Variants in ATF3 observed in about 807,000 individuals in gnomAD.
The protein encoded by ATF3 is cyclic AMP-dependent transcription factor ATF-3.
A neutral mutation model predicts 18.4 loss-of-function variants in ATF3; 10 were observed. That is an observed-to-expected ratio of 0.54 (90% CI 0.34 to 0.92). The LOEUF is 0.92. Among genes scored for constraint, ATF3 ranks in the 40% least tolerant of loss-of-function variants. The pLI is 0.02. For missense variants in ATF3, 183 were observed against 222.3 expected (o/e 0.82, Z 1.12); for synonymous variants, 78 against 87.9 (o/e 0.89, Z 0.63).
rs1374095053 is a variant in ATF3, at chr1:212,571,964, G to C, written c.-5+6481G>C. 2.0e-5 allele frequency among the ~76,000 whole-genome samples: 3 copies of C among 151,620 alleles called. No homozygotes were observed. In the South Asian group the frequency reaches 6.3e-4, roughly 32 times the overall value. The stretch of plus-strand genomic sequence containing the variant: ...CCTGACCTCGTGATCCGCCCGGCTC[G>C]GCCTCCCAAAGTGCTGGGATTACAG... On this transcript the variant is annotated intron_variant, in intron 1 of 3. Coordinates refer to the ATF3 transcript ENST00000366981.
At chr1:212,593,863 A>G (rs1664940364) in intron 1 of ATF3, among the ~76,000 whole-genome samples, 1 of 147,242 alleles carries the variant, frequency 6.8e-6, no homozygotes, top group South Asian at 2.1e-4. Flanking sequence ...GGCTGTCTTT[A>G]TTTTTCTGTA....
intron 1 of ATF3, among the ~76,000 whole-genome samples, chr1:212,609,172 T>A (rs1375181000): frequency 6.6e-6 from 1 of 152,160 alleles, no homozygotes; most frequent in African/African-American, 2.4e-5. Context: ...GCGCGAAAGG[T>A]TCCTGGTGAC....
intron 1 of ATF3, among the ~76,000 whole-genome samples, chr1:212,610,136 T>A (rs1654835943): frequency 6.6e-6 from 1 of 152,220 alleles, no homozygotes; most frequent in African/African-American, 2.4e-5. Flanking sequence ...TCTCCTTCTC[T>A]GCTCCCCCCA....
intron 1 of ATF3, among the ~76,000 whole-genome samples, chr1:212,580,762 TTTTG>T (rs1258371474): frequency 6.6e-6 from 1 of 152,154 alleles, no homozygotes; most frequent in African/African-American, 2.4e-5. Flanking sequence ...TAGTAATATA[TTTTG>T]TTTGTTTATT....
chr1:212,618,722 A>T lies in ATF3; in HGVS notation c.348+488A>T. The T allele has an allele frequency of 2.1e-6, 1 of 477,032 alleles. No individual in the cohort carries two copies. Among genetic ancestry groups the T allele is most frequent in the Non-Finnish European group, 3.8e-6 (1 of 260,858 alleles). The allele number at this position is 477,032 out of a possible 1,614,324, so 29.5% of individuals were successfully genotyped here. A position where few individuals can be genotyped will look rare whatever the true frequency, so the allele number is the denominator to read the frequency against. ...TAGAGCCCTTCTCCCTGGCTTAGCC[A>T]GTAAGCTGAGCCCCTGGCTGCGTTC... On this transcript the variant is annotated intron_variant, in intron 3 of 3. Transcript: ENST00000341491. This position sits in a 1 kb window ranked among gnomAD's most constrained non-coding sequence, Gnocchi z 4.4.
rs759233397 is a variant in ATF3, at chr1:212,619,584, G to A, written c.*29G>A. 1 of 1,612,350 alleles carries A rather than the reference G, an allele frequency of 6.2e-7. No homozygotes were observed. The highest frequency in any genetic ancestry group is 2.2e-5 in the East Asian group (1 of 44,834). ...GTCGTGGTATGGGGGCGACTGGGGA[G>A]TCCTCATTGAATCCTCATTTTATAC... On this transcript the variant is annotated 3_prime_UTR_variant, in exon 4 of 4. Coordinates refer to ENST00000341491, the MANE Select transcript of ATF3 (RefSeq NM_001674.4). This position sits in a 1 kb window ranked among gnomAD's most constrained non-coding sequence, Gnocchi z 4.4.
rs115285320 is a variant in ATF3 at position 212,592,239 on chromosome 1, A to T, written c.-4-22779A>T. 6.7e-3 allele frequency among the ~76,000 whole-genome samples: 1,025 copies of T among 152,310 alleles called. 6 individuals are homozygous for T. The highest frequency in any genetic ancestry group is 0.012 in the Non-Finnish European group (813 of 68,024). ...CATTCCAGACACTTCATCTAAGTGA[A>T]ATCATACAGCATTTTTAAAAATCTG... On this transcript the variant is annotated intron_variant, in intron 1 of 3. Transcript: ENST00000366981.
rs766927717 is a variant in ATF3, at chr1:212,619,155, T to C, written c.349-203T>C. On this transcript the variant is annotated intron_variant, in intron 3 of 3. Transcript: ENST00000341491. The surrounding 1 kb of genome is among the most constrained non-coding windows in gnomAD (Gnocchi z 4.4). ...TTAGCAGAGCCACAGGCCGCCTCTGTGGCATCACCAGGGTTTCTCTGAAGA... is the reference window on the plus strand; with the variant it reads ...TTAGCAGAGCCACAGGCCGCCTCTGCGGCATCACCAGGGTTTCTCTGAAGA... 8 of 1,613,704 alleles carry C rather than the reference T, an allele frequency of 5.0e-6. No homozygotes were observed. The African/African-American group carries it at 1.1e-4, about 22-fold the overall frequency.
intron 1 of ATF3, among the ~76,000 whole-genome samples, chr1:212,579,006 C>CT (rs10565752): frequency 0.026 from 2,224 of 84,486 alleles, 61 homozygotes; most frequent in African/African-American, 0.035. Context: ...TCTCTGGAGA[C>CT]TTTTTTTTTT....
intron 1 of ATF3, among the ~76,000 whole-genome samples, chr1:212,600,139 G>A (rs145749217): frequency 6.3e-4 from 96 of 152,252 alleles, no homozygotes; most frequent in Admixed American, 2.0e-3. Flanking sequence ...TCTGGCCTCC[G>A]ATGGCCTCAC....
intron 1 of ATF3, among the ~76,000 whole-genome samples, chr1:212,609,576 T>C (rs1434174112): frequency 2.0e-5 from 3 of 151,890 alleles, no homozygotes; most frequent in Non-Finnish European, 2.9e-5. Context: ...TGGGATAAGC[T>C]TGGAAGTGGC....
intron 1 of ATF3, among the ~76,000 whole-genome samples, chr1:212,589,001 T>G (rs1474336164): frequency 6.6e-6 from 1 of 152,352 alleles, no homozygotes. Context: ...AATAAAATTA[T>G]TCTTCTAATC....
rs764203423 is a variant in ATF3, at chr1:212,591,888, G to A, written c.-4-23130G>A. Among the ~76,000 whole-genome samples, 88 of 152,182 alleles carry A rather than the reference G, an allele frequency of 5.8e-4. No individual in the cohort carries two copies. In the Middle Eastern group the frequency reaches 0.017, roughly 29 times the overall value. ...TGCCCAGGGTGGAGTGCAATGGAGC[G>A]ATCTCGGATCACTGCAACCTCCGCC... On this transcript the variant is annotated intron_variant, in intron 1 of 3. Coordinates refer to the ATF3 transcript ENST00000366981.
chr1:212,598,746 C>T (rs1337949616), intron 1 of ATF3, among the ~76,000 whole-genome samples: 4 of 152,224 alleles, frequency 2.6e-5, no homozygotes, highest in Non-Finnish European at 4.4e-5. Flanking sequence ...TTTCACCTAA[C>T]ATAAAGACCT....
chr1:212,577,538 C>T (rs1380878916), intron 1 of ATF3, among the ~76,000 whole-genome samples: 1 of 152,058 alleles, frequency 6.6e-6, no homozygotes, highest in Non-Finnish European at 1.5e-5. Flanking sequence ...TATCCTTTGA[C>T]CAACATCGCT....
At chr1:212,570,128 CCTAT>C (rs78639087) in intron 1 of ATF3, among the ~76,000 whole-genome samples, 40,935 of 151,816 alleles carry the variant, frequency 0.27, 6,029 homozygotes, top group South Asian at 0.35. Context: ...CAAAGACCTC[CCTAT>C]CTATTATTTT....
At chr1:212,596,133 G>T (rs1234576781) in intron 1 of ATF3, among the ~76,000 whole-genome samples, 1 of 152,162 alleles carries the variant, frequency 6.6e-6, no homozygotes, top group African/African-American at 2.4e-5. Flanking sequence ...ATAAACACAA[G>T]TGAAGTGAAA....
intron 1 of ATF3, among the ~76,000 whole-genome samples, chr1:212,588,608 A>G (rs1229478758): frequency 1.5e-5 from 2 of 132,280 alleles, no homozygotes; most frequent in African/African-American, 3.0e-5. Context: ...TAACAATACT[A>G]TAAGGCTTAT....
chr1:212,589,597 G>A (rs187619156), intron 1 of ATF3, among the ~76,000 whole-genome samples: 32 of 151,680 alleles, frequency 2.1e-4, no homozygotes, highest in Admixed American at 2.0e-4. Flanking sequence ...CAGGAGAATC[G>A]CTTGACCCCA....
Sources: gnomAD v4.1 joint callset for allele counts (sites outside exome capture counted in the v4.1 genomes callset) on GRCh38, gnomAD v4.1.1 for gene constraint, Gnocchi (gnomAD v3.1) non-coding constraint, MANE v1.5 for transcripts, NCBI Gene and HGNC (gene_info 2026-07-23, HGNC 2026-07-21) for gene names.